SH3RF2: variants seen among roughly 807,000 people sequenced by gnomAD.
SH3RF2 encodes E3 ubiquitin-protein ligase SH3RF2.
Under a neutral mutation model 59.0 loss-of-function variants are expected in SH3RF2, and 43 were observed. The observed-to-expected ratio is 0.73, with a 90% CI of 0.57 to 0.94. The LOEUF (loss-of-function observed/expected upper bound fraction) is 0.94. SH3RF2 is among the 40% of genes least tolerant of loss of function. SH3RF2 has a pLI of 0.00. For missense variants in SH3RF2, 930 were observed against 940.1 expected (o/e 0.99, Z 0.14); for synonymous variants, 391 against 391.5 (o/e 1.00, Z 0.01).
At chr5:146,013,324 G>A (rs1760980736) in intron 4 of SH3RF2, among the ~76,000 whole-genome samples, 1 of 152,144 alleles carries the variant, frequency 6.6e-6, no homozygotes, top group African/African-American at 2.4e-5. Flanking sequence ...GGGAAGCACA[G>A]GGGCTGCTGG....
At chr5:145,981,585 T>C (rs554466469) in intron 2 of SH3RF2, among the ~76,000 whole-genome samples, 16 of 152,220 alleles carry the variant, frequency 1.1e-4, no homozygotes, top group Non-Finnish European at 1.9e-4. Context: ...TTTCCCACTT[T>C]CTGAGTTTTT....
rs947197871 is a variant in SH3RF2 at position 146,000,254 on chromosome 5, G to T, written c.575G>T (p.Cys192Phe). 19 of 1,613,930 alleles carry T rather than the reference G, an allele frequency of 1.2e-5. No homozygotes were observed. The highest frequency in any genetic ancestry group is 1.5e-5 in the Non-Finnish European group (18 of 1,179,964). Reference protein sequence around the residue: ...IKQLPQPPPLCRALYNFDLRG... With the variant: ...IKQLPQPPPLFRALYNFDLRG... The stretch of plus-strand genomic sequence containing the variant: ...CAGCTGCCCCAGCCGCCCCCGCTCT[G>T]CAGGGCCCTCTACAACTTCGACCTA... Residue 192 changes from cysteine (C) to phenylalanine (F), a missense_variant, in exon 3 of 10, where the codon TGC becomes TTC. By Grantham distance (205) the Cys-to-Phe change is radical (BLOSUM62 -2). Coordinates refer to ENST00000359120, the MANE Select transcript of SH3RF2 (RefSeq NM_152550.4).
chr5:146,005,587 G>T (rs774792173), intron 4 of SH3RF2, among the ~76,000 whole-genome samples: 3 of 152,178 alleles, frequency 2.0e-5, no homozygotes, highest in Non-Finnish European at 2.9e-5. Flanking sequence ...GTCCAGAGAG[G>T]CTGATCTTCT....
At chr5:145,962,529 T>C (rs4912700) in intron 2 of SH3RF2, among the ~76,000 whole-genome samples, 32,592 of 152,150 alleles carry the variant, frequency 0.21, 5,059 homozygotes, top group African/African-American at 0.43. Flanking sequence ...TGGGCTCAAA[T>C]GCTGCCTCTT....
At chr5:146,057,495 A>C (rs752871159) in intron 8 of SH3RF2, among the ~76,000 whole-genome samples, 1 of 152,238 alleles carries the variant, frequency 6.6e-6, no homozygotes, top group Non-Finnish European at 1.5e-5. Context: ...TTAATAAAAC[A>C]ACCCATATAT....
chr5:145,985,113 A>G (rs1759652098), intron 2 of SH3RF2, among the ~76,000 whole-genome samples: 1 of 152,202 alleles, frequency 6.6e-6, no homozygotes, highest in African/African-American at 2.4e-5. Flanking sequence ...CCATGGTCAC[A>G]CCACTTCATT....
intron 3 of SH3RF2, among the ~76,000 whole-genome samples, chr5:146,003,661 A>G (rs1416790595): frequency 1.3e-5 from 2 of 152,228 alleles, no homozygotes; most frequent in African/African-American, 4.8e-5. Context: ...AAAATTGAAT[A>G]GGTTCTGAAA....
intron 5 of SH3RF2, among the ~76,000 whole-genome samples, chr5:146,021,761 C>T (rs1364249944): frequency 6.6e-6 from 1 of 152,120 alleles, no homozygotes; most frequent in Non-Finnish European, 1.5e-5. Context: ...ATGAGCCACC[C>T]AGAGATACAG....
chr5:146,074,927 CCTAT>C (rs1356957972), intron 9 of SH3RF2, among the ~76,000 whole-genome samples: 2 of 152,124 alleles, frequency 1.3e-5, no homozygotes, highest in African/African-American at 4.8e-5. Flanking sequence ...AGTCACTTCA[CCTAT>C]CTAAGTCTCA....
chr5:146,020,925 G>T (rs1387643210), intron 5 of SH3RF2, among the ~76,000 whole-genome samples: 1 of 152,172 alleles, frequency 6.6e-6, no homozygotes, highest in Non-Finnish European at 1.5e-5. Flanking sequence ...CATCTGGGAA[G>T]ATGAGCTGTC....
chr5:146,058,040 C>A (rs888553169), intron 8 of SH3RF2, among the ~76,000 whole-genome samples: 1 of 151,560 alleles, frequency 6.6e-6, no homozygotes. Flanking sequence ...GTCTAGACCA[C>A]TTAGGTATGC....
downstream of SH3RF2, among the ~76,000 whole-genome samples, chr5:146,064,648 AAGAGAGAGAGAGAAAGAG>A (rs1763010258): frequency 5.2e-5 from 1 of 19,348 alleles, no homozygotes; most frequent in Non-Finnish European, 1.4e-4. Flanking sequence ...GAGAGAAAGA[AAGAGAGAGAGAGAAAGAG>A]AAAGAAAGAA....
At chr5:145,997,778 T>A in intron 2 of SH3RF2, 1 of 1,567,222 alleles carries the variant, frequency 6.4e-7, no homozygotes, top group Non-Finnish European at 8.8e-7. Context: ...AAAGAGTCAC[T>A]CCCTAAACCT....
At chr5:146,077,873 T>C (rs1456439763) in intron 9 of SH3RF2, among the ~76,000 whole-genome samples, 1 of 152,196 alleles carries the variant, frequency 6.6e-6, no homozygotes, top group Non-Finnish European at 1.5e-5. Context: ...ATTTATTTTA[T>C]GGAATGTCTC....
At chr5:146,011,690 T>C (rs1180272186) in intron 4 of SH3RF2, among the ~76,000 whole-genome samples, 1 of 152,210 alleles carries the variant, frequency 6.6e-6, no homozygotes, top group Non-Finnish European at 1.5e-5. Context: ...TTGTCTGTTA[T>C]TGGTGTTTAA....
chr5:146,048,392 G>A (rs2150014583), intron 6 of SH3RF2, among the ~76,000 whole-genome samples: 1 of 152,122 alleles, frequency 6.6e-6, no homozygotes, highest in African/African-American at 2.4e-5. Flanking sequence ...GAAAGAGACT[G>A]GAAGATTATA....
chr5:146,041,976 C>T (rs1339108767), intron 5 of SH3RF2, among the ~76,000 whole-genome samples: 1 of 152,092 alleles, frequency 6.6e-6, no homozygotes, highest in Non-Finnish European at 1.5e-5. Flanking sequence ...CTTCTCTCAA[C>T]TCTGAGTGAA....
chr5:146,032,392 G>A (rs1580890331), intron 5 of SH3RF2, among the ~76,000 whole-genome samples: 3 of 152,170 alleles, frequency 2.0e-5, no homozygotes, highest in Non-Finnish European at 2.9e-5. Flanking sequence ...TAAATTGGGT[G>A]GTCTTGAAGC....
chr5:146,005,927 GA>G lies in SH3RF2; in HGVS notation c.744+1783del, dbSNP rs575818766. 9.3e-5 allele frequency among the ~76,000 whole-genome samples: 14 copies of G among 151,286 alleles called. No homozygotes were observed. The East Asian group carries it at 1.4e-3, about 15-fold the overall frequency. On this transcript the variant is annotated intron_variant, in intron 4 of 9. Coordinates refer to ENST00000359120, the MANE Select transcript of SH3RF2 (RefSeq NM_152550.4). ...GAGAAGGTAGTCAGAGCTCCCAGGG[GA>G]AAAAAAAATTTTTAAAGAGCAAACC...
Sources: allele counts gnomAD v4.1 joint callset (sites outside exome capture counted in the v4.1 genomes callset), GRCh38; gene constraint gnomAD v4.1.1; transcripts MANE v1.5; gene names NCBI Gene and HGNC (gene_info 2026-07-23, HGNC 2026-07-21).